MCM2: variants seen among roughly 807,000 people sequenced by gnomAD.
MCM2 encodes the protein minichromosome maintenance complex component 2.
A neutral mutation model predicts 86.4 loss-of-function variants in MCM2; 49 were observed. That is an observed-to-expected ratio of 0.57 (90% CI 0.45 to 0.72). The LOEUF is 0.72. Ranked by LOEUF, MCM2 falls within the 30% of genes least tolerant of loss-of-function variation. The pLI, the probability that MCM2 is intolerant of heterozygous loss-of-function variation, is 0.00. For missense variants in MCM2, 1,038 were observed against 1,259.9 expected (o/e 0.82, Z 2.67); for synonymous variants, 475 against 484.6 (o/e 0.98, Z 0.26).
At chr3:127,610,878 A>G (rs1310565913) in intron 8 of MCM2, 1 of 456,680 alleles carries the variant, frequency 2.2e-6, no homozygotes, top group Admixed American at 2.3e-5. Context: ...TGGGGTTCCC[A>G]TAGGAGAGGT....
chr3:127,616,858 T>TCC lies in MCM2; in HGVS notation c.1523-7_1523-6dup. The TCC allele has an allele frequency of 6.2e-7, 1 of 1,607,716 alleles. No homozygotes were observed. Among genetic ancestry groups the TCC allele is most frequent in the Non-Finnish European group, 8.5e-7 (1 of 1,174,914 alleles). ...TCTCCCCCTCCCCCGCTTCTACTCA[T>TCC]CCCCTCCAGGTGGCAAGCACAAGGT... On this transcript the variant is annotated splice_polypyrimidine_tract_variant and intron_variant, in intron 9 of 15. Transcript: ENST00000265056.
chr3:127,611,492 T>C (rs576378739), intron 8 of MCM2, among the ~76,000 whole-genome samples: 2 of 152,254 alleles, frequency 1.3e-5, no homozygotes, highest in African/African-American at 4.8e-5. Flanking sequence ...GCCATCCCCA[T>C]GTGCTTCTGG....
At chr3:127,607,866 G>A (rs919827942) in intron 6 of MCM2, among the ~76,000 whole-genome samples, 3 of 152,224 alleles carry the variant, frequency 2.0e-5, no homozygotes, top group Non-Finnish European at 4.4e-5. Flanking sequence ...TCTAGAGCAT[G>A]TGCTTTTAAC....
rs1452716770 is a variant in MCM2 at position 127,608,937 on chromosome 3, GACA to G, written c.1347_1349del (p.Asn449del). The G allele has an allele frequency of 1.2e-6, 2 of 1,614,164 alleles. No homozygotes were observed. The highest frequency in any genetic ancestry group is 4.5e-5 in the East Asian group (2 of 44,866). ...CCTAGCCAACCACGTGGCCAAGAAG[GACA>G]ACAAGGTTGCTGTAGGGGAACTGAC... On this transcript the variant is annotated inframe_deletion, in exon 8 of 16. Transcript: ENST00000265056.
rs1239091969 is a variant in MCM2, at chr3:127,617,427, C to T, written c.1900+22C>T. 3 of 1,608,328 alleles carry T rather than the reference C, an allele frequency of 1.9e-6. No homozygotes were observed. Among genetic ancestry groups the T allele is most frequent in the Admixed American group, 3.4e-5 (2 of 59,308 alleles). ...ATAGGTGCAGCAGGCACCCTGACTG[C>T]TGGGGCTGGGGTGGGACACAGGGAG... On this transcript the variant is annotated intron_variant, in intron 11 of 15. Transcript: ENST00000265056. The surrounding 1 kb of genome is among the most constrained non-coding windows in gnomAD (Gnocchi z 4.1).
chr3:127,603,723 A>C (rs1477284137), intron 2 of MCM2, among the ~76,000 whole-genome samples: 1 of 151,428 alleles, frequency 6.6e-6, no homozygotes, highest in Non-Finnish European at 1.5e-5. Flanking sequence ...GTGCAGTGGC[A>C]CAATCTCTGC....
At chr3:127,608,661 C>A in intron 7 of MCM2, 145 bp downstream of exon 7, 1 of 1,288,366 alleles carries the variant, frequency 7.8e-7, no homozygotes, top group Non-Finnish European at 1.1e-6. Context: ...AAAGAACTTT[C>A]TTCTGGTGGA....
Position 127,622,089 on chromosome 3 carries a change from G to T in MCM2, c.*316G>T, listed in dbSNP as rs138698648. The T allele has an allele frequency of 4.5e-5, 10 of 219,820 alleles. No homozygotes were observed. In the East Asian group the frequency reaches 1.2e-3, roughly 26 times the overall value. 13.6% of individuals were successfully genotyped at this position (219,820 alleles called of 1,614,324 possible). A position where few individuals can be genotyped will look rare whatever the true frequency, so the allele number is the denominator to read the frequency against. On this transcript the variant is annotated 3_prime_UTR_variant, in exon 16 of 16. Coordinates refer to ENST00000265056, the MANE Select transcript of MCM2 (RefSeq NM_004526.4). ...GTTCAGGATGCCTGCGTGTGGTTTAGGTGTTAGCCTTCTTACATGGATGTC... is the reference window on the plus strand; with the variant it reads ...GTTCAGGATGCCTGCGTGTGGTTTATGTGTTAGCCTTCTTACATGGATGTC...
chr3:127,611,451 A>G (rs906092857), intron 8 of MCM2, among the ~76,000 whole-genome samples: 1 of 152,130 alleles, frequency 6.6e-6, no homozygotes, highest in African/African-American at 2.4e-5. Flanking sequence ...CGGGCATGGC[A>G]TGCCTGGGCA....
intron 4 of MCM2, among the ~76,000 whole-genome samples, chr3:127,605,698 C>G (rs2074342036): frequency 6.6e-6 from 1 of 152,008 alleles, no homozygotes. Flanking sequence ...CCTTGGCCTC[C>G]CAGAGTGTTG....
intron 6 of MCM2, 101 bp from the exon 7 acceptor site, chr3:127,608,281 C>T (rs1377735833): frequency 1.4e-6 from 2 of 1,476,674 alleles, no homozygotes; most frequent in Non-Finnish European, 1.9e-6. Context: ...CCATTTGCCA[C>T]TCAGGAGTCG....
chr3:127,606,183 T>C lies in MCM2; in HGVS notation c.739T>C (p.Phe247Leu). 8.1e-6 allele frequency: 13 copies of C among 1,614,260 alleles called. No individual in the cohort carries two copies. Among genetic ancestry groups the C allele is most frequent in the Non-Finnish European group, 1.1e-5 (13 of 1,180,046 alleles). Residue 247 changes from phenylalanine (F) to leucine (L), a missense_variant, in exon 5 of 16, where the codon TTC (phenylalanine) becomes CTC (leucine). Physicochemically the swap from Phe to Leu is conservative, Grantham distance 22. Coordinates refer to ENST00000265056, the MANE Select transcript of MCM2 (RefSeq NM_004526.4). This position sits in a 1 kb window ranked among gnomAD's most constrained non-coding sequence, Gnocchi z 4.2. ...AGCCAGGGAGCACGTGCTGGCCTACTTCCTGCCTGAGGCACCGGCGGAGCT... is the reference window on the plus strand; with the variant it reads ...AGCCAGGGAGCACGTGCTGGCCTACCTCCTGCCTGAGGCACCGGCGGAGCT... ...LAAREHVLAYFLPEAPAELLQ... is the reference protein window; with the variant it reads ...LAAREHVLAYLLPEAPAELLQ...
At position 127,618,113 on chromosome 3, in the gene MCM2, CTG is replaced by C. The variant is rs757061049; in HGVS notation, c.2013+35_2013+36del. Reference sequence around the variant, plus strand: ...CTCACATGTGCCCGGTTTCCATGAACTGTGGTTTGGGGACCTCAGGTGAGGCT... The same window carrying C: ...CTCACATGTGCCCGGTTTCCATGAACTGGTTTGGGGACCTCAGGTGAGGCT... On this transcript the variant is annotated intron_variant, in intron 12 of 15. Coordinates refer to ENST00000265056, the MANE Select transcript of MCM2 (RefSeq NM_004526.4). This position sits in a 1 kb window ranked among gnomAD's most constrained non-coding sequence, Gnocchi z 4.0. The C allele has an allele frequency of 2.5e-6, 4 of 1,586,612 alleles. No individual in the cohort carries two copies. The African/African-American group carries it at 4.0e-5, about 16-fold the overall frequency.
At chr3:127,600,280 T>C (rs934078900) in intron 2 of MCM2, among the ~76,000 whole-genome samples, 1 of 152,148 alleles carries the variant, frequency 6.6e-6, no homozygotes, top group African/African-American at 2.4e-5. Context: ...AAACTCTGTT[T>C]CAAAAATAAA....
At chr3:127,605,254 C>CATA (rs2074338315) in intron 4 of MCM2, 98 bp downstream of exon 4, 1 of 1,477,288 alleles carries the variant, frequency 6.8e-7, no homozygotes. Flanking sequence ...AAGCACAGGG[C>CATA]ATATGGCTGA....
At chr3:127,610,903 G>A (rs766577778) in intron 8 of MCM2, 11 of 456,546 alleles carry the variant, frequency 2.4e-5, no homozygotes, top group Admixed American at 4.7e-5. Flanking sequence ...GTTTCTCAGC[G>A]TCAGGAAGCC....
At position 127,620,885 on chromosome 3, in the gene MCM2, G is replaced by A; in HGVS notation, c.2448+5G>A. 1 of 1,598,330 alleles carries A rather than the reference G, an allele frequency of 6.3e-7. No individual in the cohort carries two copies. The highest frequency in any genetic ancestry group is 8.6e-7 in the Non-Finnish European group (1 of 1,169,420). ...GTCATGCGCAGCATGCGCAAGGTGG[G>A]TGTGCTCCGAGGTAGGGGCCTGATG... On this transcript the variant is annotated splice_donor_5th_base_variant and intron_variant, in intron 14 of 15. Coordinates refer to ENST00000265056, the MANE Select transcript of MCM2 (RefSeq NM_004526.4).
chr3:127,607,534 C>A (rs1432692357), intron 6 of MCM2, among the ~76,000 whole-genome samples: 2 of 152,226 alleles, frequency 1.3e-5, no homozygotes, highest in Non-Finnish European at 2.9e-5. Context: ...CAAAAGCTGA[C>A]CCGTCTCGTC....
chr3:127,614,846 G>A (rs932635452), intron 8 of MCM2, among the ~76,000 whole-genome samples: 3 of 152,124 alleles, frequency 2.0e-5, no homozygotes, highest in Admixed American at 1.3e-4. Context: ...CATGACCCTG[G>A]TTGTCTTTGA....
Sources: allele counts gnomAD v4.1 joint callset (sites outside exome capture counted in the v4.1 genomes callset), GRCh38; gene constraint gnomAD v4.1.1; non-coding constraint Gnocchi (gnomAD v3.1); transcripts MANE v1.5; gene names NCBI Gene and HGNC (gene_info 2026-07-23, HGNC 2026-07-21).